SPTLC2: variants seen among roughly 807,000 people sequenced by gnomAD.
SPTLC2 encodes the protein serine palmitoyltransferase long chain base subunit 2, also known as serine palmitoyltransferase 2.
Under a neutral mutation model 62.0 loss-of-function variants are expected in SPTLC2, and 21 were observed. That is an observed-to-expected ratio of 0.34 (90% CI 0.24 to 0.49). The LOEUF is 0.49. Ranked by LOEUF, SPTLC2 falls within the 20% of genes least tolerant of loss-of-function variation. The pLI, the probability that SPTLC2 is intolerant of heterozygous loss-of-function variation, is 0.99. For synonymous variants in SPTLC2, 261 were observed against 261.8 expected, an observed-to-expected ratio of 1.00 and a Z score of 0.03; for missense variants, 511 against 713.0, an observed-to-expected ratio of 0.72 and a Z score of 3.23.
chr14:77,532,551 G>A (rs112303412), intron 9 of SPTLC2, among the ~76,000 whole-genome samples: 4,111 of 151,720 alleles, frequency 0.027, 200 homozygotes, highest in African/African-American at 0.094. Flanking sequence ...TTGGGAGGCC[G>A]AGGCAGGTGG....
chr14:77,573,011 A>G (rs969209714), intron 4 of SPTLC2, among the ~76,000 whole-genome samples: 1 of 152,222 alleles, frequency 6.6e-6, no homozygotes, highest in Non-Finnish European at 1.5e-5. Context: ...GGTTCACTGG[A>G]GTAGCACTTT....
chr14:77,565,961 G>A (rs373380617), intron 5 of SPTLC2, among the ~76,000 whole-genome samples: 3 of 152,154 alleles, frequency 2.0e-5, no homozygotes, highest in Admixed American at 6.5e-5. Context: ...TTGAAAAAGC[G>A]AAACTGGGGG....
In SPTLC2 at chr14:77,568,925, C is replaced by G. The variant is rs1373839559; in HGVS notation, c.756+1459G>C. Among the ~76,000 whole-genome samples the G allele has an allele frequency of 2.0e-5, 3 of 152,034 alleles. No individual in the cohort carries two copies. The East Asian group carries it at 5.8e-4, about 29-fold the overall frequency. ...CGTACTTTGACGCTCTGTTAATAAC[C>G]CATTTATGCCAGAGGTTACAATTTT... On this transcript the variant is annotated intron_variant, in intron 5 of 11. Coordinates refer to ENST00000216484, the MANE Select transcript of SPTLC2 (RefSeq NM_004863.4).
At chr14:77,606,324 T>G (rs2079904965) in intron 1 of SPTLC2, among the ~76,000 whole-genome samples, 1 of 151,440 alleles carries the variant, frequency 6.6e-6, no homozygotes, top group Non-Finnish European at 1.5e-5. Flanking sequence ...AGAGCGAGAC[T>G]CTGTCTCAAA....
intron 11 of SPTLC2, among the ~76,000 whole-genome samples, chr14:77,515,555 T>C (rs1188283692): frequency 4.4e-5 from 1 of 22,944 alleles, no homozygotes; most frequent in Non-Finnish European, 2.1e-4. Flanking sequence ...TTTTTTTTTT[T>C]TTTTTTTTTT....
chr14:77,609,177 C>T lies in SPTLC2; in HGVS notation c.132+7271G>A, dbSNP rs141649867. On this transcript the variant is annotated intron_variant, in intron 1 of 11. Coordinates refer to ENST00000216484, the MANE Select transcript of SPTLC2 (RefSeq NM_004863.4). Reference sequence around the variant, plus strand: ...GACATGTTTAAGTAGTTCTCCAATCCTTTTAAGAAGTCTGTCCTGGGGAAA... The same window carrying T: ...GACATGTTTAAGTAGTTCTCCAATCTTTTTAAGAAGTCTGTCCTGGGGAAA... Among the ~76,000 whole-genome samples the T allele has an allele frequency of 4.7e-4, 72 of 152,110 alleles. No homozygotes were observed. In the East Asian group the frequency reaches 0.012, roughly 25 times the overall value.
rs530083413 is a variant in SPTLC2 at position 77,542,644 on chromosome 14, G to C, written c.1303+9452C>G. Among the ~76,000 whole-genome samples, 12 of 152,264 alleles carry C rather than the reference G, an allele frequency of 7.9e-5. No homozygotes were observed. The South Asian group carries it at 2.5e-3, about 32-fold the overall frequency. On this transcript the variant is annotated intron_variant, in intron 9 of 11. Coordinates refer to ENST00000216484, the MANE Select transcript of SPTLC2 (RefSeq NM_004863.4). ...TGTCAAGCTAAAGAACATCAAAGCA[G>C]ACAGATCTGCGTCTTCATATCCTAG...
chr14:77,516,015 C>T (rs1002547172), intron 11 of SPTLC2, among the ~76,000 whole-genome samples: 6 of 24,704 alleles, frequency 2.4e-4, no homozygotes, highest in Admixed American at 6.2e-4. Context: ...TGCGCGCGCG[C>T]GCATGTGTGT....
intron 1 of SPTLC2, among the ~76,000 whole-genome samples, chr14:77,606,352 G>A (rs1218730300): frequency 6.7e-6 from 1 of 149,212 alleles, no homozygotes; most frequent in Non-Finnish European, 1.5e-5. Context: ...AACAACTTTT[G>A]CTTTCCCAGG....
At position 77,558,646 on chromosome 14, in the gene SPTLC2, G is replaced by A. The variant is rs558683522; in HGVS notation, c.851-1500C>T. Among the ~76,000 whole-genome samples the A allele has an allele frequency of 1.5e-4, 21 of 140,812 alleles. No individual in the cohort carries two copies. In the South Asian group the frequency reaches 4.4e-3, roughly 30 times the overall value. The allele number at this position is 140,812 out of a possible 152,430, so 92.4% of individuals were successfully genotyped here. A position where few individuals can be genotyped will look rare whatever the true frequency, so the allele number is the denominator to read the frequency against. The stretch of plus-strand genomic sequence containing the variant: ...TTTTTGTTTTTTTTTTTTTGAGACA[G>A]AGTCTTGCTCTGTCGCCAAGGCAGG... On this transcript the variant is annotated intron_variant, in intron 6 of 11. Transcript: ENST00000216484.
chr14:77,607,071 T>TTTTG (rs146467738), intron 1 of SPTLC2, among the ~76,000 whole-genome samples: 1 of 152,058 alleles, frequency 6.6e-6, no homozygotes, highest in Non-Finnish European at 1.5e-5. Flanking sequence ...TTGTGCAGTA[T>TTTTG]TTTGTTTGTT....
chr14:77,569,831 A>AATATACTATATATATTATATAAAATAT (rs1397985258), intron 5 of SPTLC2, among the ~76,000 whole-genome samples: 12 of 137,594 alleles, frequency 8.7e-5, no homozygotes, highest in South Asian at 2.3e-4. Flanking sequence ...ATATATATAT[A>AATATACTATATATATTATATAAAATAT]TAATATACAA....
At position 77,561,525 on chromosome 14, in the gene SPTLC2, C is replaced by A. The variant is rs372089597; in HGVS notation, c.850+871G>T. Among the ~76,000 whole-genome samples the A allele has an allele frequency of 1.7e-4, 26 of 151,538 alleles. 1 individual carries two copies. Among genetic ancestry groups the A allele is most frequent in the African/African-American group, 6.3e-4 (26 of 41,300 alleles). On this transcript the variant is annotated intron_variant, in intron 6 of 11. Transcript: ENST00000216484. ...ACTCGGGAGGCTGAGGCAGGAGAAT[C>A]GCTTGAACTCGGGAGGCAGAGGTTG...
chr14:77,514,394 A>T, intron 11 of SPTLC2, among the ~76,000 whole-genome samples: 1 of 152,218 alleles, frequency 6.6e-6, no homozygotes, highest in East Asian at 1.9e-4. Context: ...TGTGAATATA[A>T]GATGACATTC....
chr14:77,522,072 T>C (rs1432346473), intron 9 of SPTLC2, among the ~76,000 whole-genome samples: 1 of 152,210 alleles, frequency 6.6e-6, no homozygotes, highest in East Asian at 1.9e-4. Context: ...CAAATAAATT[T>C]TACACATAAG....
intron 9 of SPTLC2, among the ~76,000 whole-genome samples, chr14:77,545,783 C>T (rs1378966566): frequency 1.3e-5 from 2 of 152,176 alleles, no homozygotes; most frequent in Non-Finnish European, 2.9e-5. Context: ...AGACACTGGG[C>T]ATCCTAATTG....
intron 5 of SPTLC2, among the ~76,000 whole-genome samples, chr14:77,568,273 T>C (rs1044437841): frequency 2.0e-5 from 3 of 150,370 alleles, no homozygotes; most frequent in Non-Finnish European, 2.9e-5. Flanking sequence ...CCAGATATCT[T>C]TGTGTTATCA....
At chr14:77,596,907 C>T (rs1356864224) in intron 2 of SPTLC2, among the ~76,000 whole-genome samples, 2 of 152,188 alleles carry the variant, frequency 1.3e-5, no homozygotes, top group Non-Finnish European at 1.5e-5. Context: ...TCTTGGGAAA[C>T]GTTGTTTAAC....
intron 1 of SPTLC2, among the ~76,000 whole-genome samples, chr14:77,600,444 A>G (rs938632016): frequency 6.6e-6 from 1 of 152,160 alleles, no homozygotes; most frequent in Non-Finnish European, 1.5e-5. Context: ...GAACAAAATC[A>G]CTTCACCTTT....
Sources: allele counts gnomAD v4.1 joint callset (sites outside exome capture counted in the v4.1 genomes callset), GRCh38; gene constraint gnomAD v4.1.1; transcripts MANE v1.5; gene names NCBI Gene and HGNC (gene_info 2026-07-23, HGNC 2026-07-21).